Variants in THEMIS observed in about 807,000 individuals in gnomAD.
THEMIS encodes the protein protein THEMIS.
In THEMIS, 37 loss-of-function variants were observed where a neutral mutation model predicts 52.6. The observed-to-expected ratio is 0.70, with a 90% CI of 0.54 to 0.93. The LOEUF (loss-of-function observed/expected upper bound fraction) is 0.93, where lower values mean the gene tolerates loss of function less well. THEMIS is among the 40% of genes least tolerant of loss of function. The probability of loss-of-function intolerance (pLI) is 0.00; values close to 1 mark genes in which losing one functional copy is unlikely to be tolerated. For missense variants in THEMIS, 808 were observed against 763.1 expected (o/e 1.06, Z -0.69); for synonymous variants, 292 against 272.7 (o/e 1.07, Z -0.70).
chr6:127,738,318 A>T (rs1020410184), intron 4 of THEMIS, among the ~76,000 whole-genome samples: 1 of 152,194 alleles, frequency 6.6e-6, no homozygotes, highest in Non-Finnish European at 1.5e-5. Context: ...GGATACAATC[A>T]TGCATAGAAA....
intron 4 of THEMIS, among the ~76,000 whole-genome samples, chr6:127,795,550 G>T (rs372357532): frequency 6.6e-6 from 1 of 152,034 alleles, no homozygotes; most frequent in Admixed American, 6.6e-5. Flanking sequence ...GGACGGTCTC[G>T]ATCTCCTGAC....
At chr6:127,824,835 G>C (rs1203616181) in intron 3 of THEMIS, among the ~76,000 whole-genome samples, 1 of 152,134 alleles carries the variant, frequency 6.6e-6, no homozygotes, top group African/African-American at 2.4e-5. Flanking sequence ...TGAGGCAGGA[G>C]AATGGCGTGA....
intron 3 of THEMIS, among the ~76,000 whole-genome samples, chr6:127,822,213 A>C (rs1356016115): frequency 6.6e-6 from 1 of 152,016 alleles, no homozygotes; most frequent in African/African-American, 2.4e-5. Flanking sequence ...ATTTACTAAA[A>C]ATTTCTGAGC....
chr6:127,849,131 G>A (rs1433247854), intron 2 of THEMIS, among the ~76,000 whole-genome samples: 3 of 152,056 alleles, frequency 2.0e-5, no homozygotes, highest in Non-Finnish European at 2.9e-5. Context: ...TCCAGTTTCA[G>A]CTTTCTACAT....
At chr6:127,868,092 T>G (rs1780039944) in intron 1 of THEMIS, among the ~76,000 whole-genome samples, 1 of 152,194 alleles carries the variant, frequency 6.6e-6, no homozygotes, top group Admixed American at 6.6e-5. Flanking sequence ...ATAAAGATAG[T>G]GCCTCAACTT....
chr6:127,821,705 G>A (rs1448678639), intron 3 of THEMIS, among the ~76,000 whole-genome samples: 1 of 151,952 alleles, frequency 6.6e-6, no homozygotes, highest in African/African-American at 2.4e-5. Context: ...AACTAAGTTT[G>A]AATTTAGGGG....
Position 127,901,036 on chromosome 6 carries a change from G to T in THEMIS, c.-104C>A. ...GCCCCTGCTCACCATTTCTTCCTCA[G>T]GCAGGCAGGAATGTCACACTACAGC... is the stretch of plus-strand genomic sequence containing the variant. On this transcript the variant is annotated 5_prime_UTR_variant, in exon 1 of 6. The change creates a new upstream start codon in the 5' untranslated region. Coordinates refer to ENST00000368248, the MANE Select transcript of THEMIS (RefSeq NM_001010923.3). 1.1e-6 allele frequency: 1 copy of T among 899,730 alleles called. No homozygotes were observed. The highest frequency in any genetic ancestry group is 1.4e-5 in the South Asian group (1 of 71,146). 55.7% of individuals were successfully genotyped at this position (899,730 alleles called of 1,614,324 possible).
intron 3 of THEMIS, among the ~76,000 whole-genome samples, chr6:127,815,289 C>T (rs892701870): frequency 1.3e-5 from 2 of 152,014 alleles, no homozygotes; most frequent in African/African-American, 4.8e-5. Flanking sequence ...TTCAATATCT[C>T]CAGCCACCCT....
intron 1 of THEMIS, among the ~76,000 whole-genome samples, chr6:127,868,915 G>T (rs909524156): frequency 2.0e-5 from 3 of 152,106 alleles, no homozygotes; most frequent in African/African-American, 7.2e-5. Context: ...CAGAATAACA[G>T]TGCTATGTAC....
chr6:127,767,897 A>T (rs547343591), intron 4 of THEMIS, among the ~76,000 whole-genome samples: 2 of 152,288 alleles, frequency 1.3e-5, no homozygotes, highest in Admixed American at 1.3e-4. Flanking sequence ...ACTAGGTGAA[A>T]CAAGTTTTTC....
At chr6:127,903,940 G>C (rs1040937994), upstream of THEMIS, among the ~76,000 whole-genome samples, 2 of 151,928 alleles carry the variant, frequency 1.3e-5, no homozygotes, top group African/African-American at 2.4e-5. Context: ...GAGCTGTCAG[G>C]GTGCAGAACA....
chr6:127,902,704 C>T (rs1419345527), upstream of THEMIS, among the ~76,000 whole-genome samples: 1 of 152,028 alleles, frequency 6.6e-6, no homozygotes, highest in Non-Finnish European at 1.5e-5. Flanking sequence ...TCCTCACTGG[C>T]AACTTTTTTG....
At chr6:127,816,775 G>C (rs1374049134) in intron 3 of THEMIS, among the ~76,000 whole-genome samples, 1 of 152,054 alleles carries the variant, frequency 6.6e-6, no homozygotes, top group Non-Finnish European at 1.5e-5. Flanking sequence ...TAGTATAAAA[G>C]CCAAAGTCCT....
chr6:127,875,092 C>T (rs547159773), intron 1 of THEMIS, among the ~76,000 whole-genome samples: 4 of 152,310 alleles, frequency 2.6e-5, no homozygotes, highest in African/African-American at 9.6e-5. Flanking sequence ...GTAGTGTGTA[C>T]TTGAAACATC....
rs1313678359 is a variant in THEMIS at position 127,813,408 on chromosome 6, C to T, written c.1233G>A (p.Leu411=). ...ACTTTTTGAGGATTTTTTCACAGGCCAGAACATTCACCACTTTTTTTATTC... is the reference window on the plus strand; with the variant it reads ...ACTTTTTGAGGATTTTTTCACAGGCTAGAACATTCACCACTTTTTTTATTC... The part of the protein sequence containing the change: ...CEGIKKVVNV[L]ACEKILKKSY... Residue 411 remains leucine, a synonymous_variant, in exon 4 of 6, where the codon CTG becomes CTA. Coordinates refer to ENST00000368248, the MANE Select transcript of THEMIS (RefSeq NM_001010923.3). 1 of 1,613,834 alleles carries T rather than the reference C, an allele frequency of 6.2e-7. No individual in the cohort carries two copies. The highest frequency in any genetic ancestry group is 1.1e-5 in the South Asian group (1 of 91,062).
At chr6:127,725,263 C>T (rs940533294) in intron 4 of THEMIS, among the ~76,000 whole-genome samples, 3 of 152,084 alleles carry the variant, frequency 2.0e-5, no homozygotes, top group African/African-American at 7.2e-5. Flanking sequence ...CATTAACTAA[C>T]TTTCTTCCAG....
chr6:127,822,360 G>T (rs1778368715), intron 3 of THEMIS, among the ~76,000 whole-genome samples: 1 of 151,934 alleles, frequency 6.6e-6, no homozygotes, highest in Admixed American at 6.6e-5. Context: ...AAGCTATACT[G>T]TGAATTTCTA....
intron 4 of THEMIS, among the ~76,000 whole-genome samples, chr6:127,756,627 T>C (rs574436759): frequency 1.8e-4 from 28 of 152,288 alleles, no homozygotes; most frequent in Admixed American, 3.3e-4. Context: ...GCTGAAGAAA[T>C]ACAGCCTAGA....
Position 127,813,483 on chromosome 6 carries a change from C to T in THEMIS, c.1158G>A (p.Gly386=), listed in dbSNP as rs745523932. 5 of 1,613,986 alleles carry T rather than the reference C, an allele frequency of 3.1e-6. No homozygotes were observed. The highest frequency in any genetic ancestry group is 3.3e-4 in the Middle Eastern group (2 of 6,058). Residue 386 remains glycine (G), a synonymous_variant, in exon 4 of 6, where the codon GGG becomes GGA. Coordinates refer to ENST00000368248, the MANE Select transcript of THEMIS (RefSeq NM_001010923.3). ...CTGACTGATGCACCAGAAACTGGTCCCCAACAGATACGGATGACAGCTTGT... is the reference window on the plus strand; with the variant it reads ...CTGACTGATGCACCAGAAACTGGTCTCCAACAGATACGGATGACAGCTTGT... ...PHDKLSSVSV[G]DQFLVHQSET...
Sources: allele counts gnomAD v4.1 joint callset (sites outside exome capture counted in the v4.1 genomes callset), GRCh38; gene constraint gnomAD v4.1.1; transcripts MANE v1.5; gene names NCBI Gene and HGNC (gene_info 2026-07-23, HGNC 2026-07-21).